The following MGAT4A variants were observed in gnomAD, a reference collection of about 807,000 sequenced individuals.
The protein encoded by MGAT4A is alpha-1,3-mannosyl-glycoprotein 4-beta-N-acetylglucosaminyltransferase A.
A neutral mutation model predicts 74.1 loss-of-function variants in MGAT4A; 33 were observed. The observed-to-expected ratio is 0.45, with a 90% CI of 0.34 to 0.60. The LOEUF is 0.60. Among genes scored for constraint, MGAT4A ranks in the 20% least tolerant of loss-of-function variants. MGAT4A has a pLI of 0.02. For missense variants in MGAT4A, 479 were observed against 628.3 expected (o/e 0.76, Z 2.54); for synonymous variants, 198 against 210.4 (o/e 0.94, Z 0.51).
At chr2:98,687,076 G>T (rs1270539007) in intron 2 of MGAT4A, among the ~76,000 whole-genome samples, 1 of 152,058 alleles carries the variant, frequency 6.6e-6, no homozygotes, top group Non-Finnish European at 1.5e-5. Context: ...ATTATCAGGT[G>T]GTTATAAACT....
chr2:98,687,461 C>A (rs1428955189), intron 2 of MGAT4A, among the ~76,000 whole-genome samples: 1 of 152,168 alleles, frequency 6.6e-6, no homozygotes, highest in Non-Finnish European at 1.5e-5. Context: ...ATGTCCCTAG[C>A]TAGATCTGGA....
intron 2 of MGAT4A, among the ~76,000 whole-genome samples, chr2:98,680,173 A>C (rs1702040737): frequency 6.6e-6 from 1 of 151,082 alleles, no homozygotes; most frequent in Non-Finnish European, 1.5e-5. Flanking sequence ...CCTCCCAAGT[A>C]GCTGGGATTA....
At chr2:98,642,391 C>T (rs1575246464) in intron 10 of MGAT4A, among the ~76,000 whole-genome samples, 2 of 152,092 alleles carry the variant, frequency 1.3e-5, no homozygotes, top group Admixed American at 6.5e-5. Flanking sequence ...AAGGATGTGG[C>T]GACAGCACCC....
chr2:98,647,615 G>A (rs1701512385), intron 8 of MGAT4A, among the ~76,000 whole-genome samples: 2 of 152,164 alleles, frequency 1.3e-5, no homozygotes, highest in Non-Finnish European at 2.9e-5. Flanking sequence ...CACTGCGCCC[G>A]GCCCATAACG....
At chr2:98,691,856 A>C (rs570991206) in intron 2 of MGAT4A, among the ~76,000 whole-genome samples, 16 of 152,306 alleles carry the variant, frequency 1.1e-4, no homozygotes, top group Non-Finnish European at 2.2e-4. Flanking sequence ...AAGACTAGGA[A>C]ACTGATGATC....
chr2:98,645,353 A>G (rs568635551), intron 9 of MGAT4A, 75 bp downstream of exon 9: 1 of 1,081,660 alleles, frequency 9.2e-7, no homozygotes, highest in African/African-American at 1.6e-5. Context: ...TCTTTAGGAC[A>G]AGTAGCTACT....
At chr2:98,640,553 G>A (rs1481350416) in intron 10 of MGAT4A, among the ~76,000 whole-genome samples, 2 of 152,030 alleles carry the variant, frequency 1.3e-5, no homozygotes, top group African/African-American at 2.4e-5. Flanking sequence ...GCAGTGAGCC[G>A]AGATCGCACC....
rs999672689 is a variant in MGAT4A at position 98,663,336 on chromosome 2, C to G, written c.404-157G>C. The stretch of plus-strand genomic sequence containing the variant: ...GGAAGAAAAATAAAGAATACAAGGG[C>G]ATACCTGTAATACTGTAATTCATTT... On this transcript the variant is annotated intron_variant, in intron 4 of 15. Transcript: ENST00000393487. 4 of 1,529,818 alleles carry G rather than the reference C, an allele frequency of 2.6e-6. No individual in the cohort carries two copies. The African/African-American group carries it at 4.2e-5, about 16-fold the overall frequency. 94.8% of individuals were successfully genotyped at this position (1,529,818 alleles called of 1,614,324 possible). A position where few individuals can be genotyped will look rare whatever the true frequency, so the allele number is the denominator to read the frequency against.
intron 2 of MGAT4A, among the ~76,000 whole-genome samples, chr2:98,719,866 C>T (rs1409086116): frequency 6.6e-6 from 1 of 152,122 alleles, no homozygotes; most frequent in Non-Finnish European, 1.5e-5. Flanking sequence ...AGGCTGGTCT[C>T]GAACTCCTGA....
chr2:98,684,018 C>T (rs1359086801), intron 2 of MGAT4A, among the ~76,000 whole-genome samples: 4 of 152,140 alleles, frequency 2.6e-5, no homozygotes, highest in African/African-American at 9.7e-5. Flanking sequence ...AAAGAGTTCT[C>T]CACAACAACA....
intron 2 of MGAT4A, among the ~76,000 whole-genome samples, chr2:98,705,057 A>C (rs1702405216): frequency 6.6e-6 from 1 of 152,176 alleles, no homozygotes; most frequent in Non-Finnish European, 1.5e-5. Context: ...AAGGAAACCC[A>C]AGTTACTTAC....
chr2:98,663,228 C>G (rs894825595), intron 4 of MGAT4A, 49 bp from the exon 5 acceptor site: 4 of 1,532,142 alleles, frequency 2.6e-6, no homozygotes, highest in Non-Finnish European at 3.5e-6. Flanking sequence ...AAGGACAATA[C>G]AGAAAAACAC....
chr2:98,670,343 T>A (rs1481561016), intron 4 of MGAT4A, among the ~76,000 whole-genome samples: 1 of 152,194 alleles, frequency 6.6e-6, no homozygotes, highest in Non-Finnish European at 1.5e-5. Context: ...GCATATGTAG[T>A]ACCTCTATTA....
At chr2:98,675,217 C>A in intron 3 of MGAT4A, 42 bp from the exon 4 acceptor site, 1 of 1,407,166 alleles carries the variant, frequency 7.1e-7, no homozygotes. Context: ...AATTACCTTA[C>A]AGAAGTTGCT....
At chr2:98,680,604 A>G (rs550799683) in intron 2 of MGAT4A, among the ~76,000 whole-genome samples, 1 of 152,336 alleles carries the variant, frequency 6.6e-6, no homozygotes, top group South Asian at 2.1e-4. Context: ...TAATTTGCTC[A>G]GAAGGAAAGG....
intron 2 of MGAT4A, among the ~76,000 whole-genome samples, chr2:98,680,193 G>A (rs551020087): frequency 6.7e-4 from 102 of 151,880 alleles, no homozygotes; most frequent in African/African-American, 2.2e-3. Flanking sequence ...ACAGGCGCGC[G>A]CCACCACACC....
At chr2:98,627,140 T>G (rs1462215272) in intron 14 of MGAT4A, among the ~76,000 whole-genome samples, 2 of 152,216 alleles carry the variant, frequency 1.3e-5, no homozygotes, top group African/African-American at 4.8e-5. Flanking sequence ...GACTATAGTT[T>G]GAGCTTGGAA....
intron 2 of MGAT4A, among the ~76,000 whole-genome samples, chr2:98,703,079 G>A (rs906864752): frequency 6.6e-6 from 1 of 152,194 alleles, no homozygotes; most frequent in African/African-American, 2.4e-5. Context: ...CAGATGCTGG[G>A]TTTAGCAGAT....
chr2:98,652,352 A>G, intron 8 of MGAT4A, among the ~76,000 whole-genome samples: 1 of 141,754 alleles, frequency 7.1e-6, no homozygotes, highest in African/African-American at 2.7e-5. Context: ...TTTTTTTGAG[A>G]CAGAGTCTCA....
Sources: allele counts gnomAD v4.1 joint callset (sites outside exome capture counted in the v4.1 genomes callset), GRCh38; gene constraint gnomAD v4.1.1; transcripts MANE v1.5; gene names NCBI Gene and HGNC (gene_info 2026-07-23, HGNC 2026-07-21).